GLIS3: variants seen among roughly 807,000 people sequenced by gnomAD.
GLIS3 encodes the protein zinc finger protein GLIS3.
GLIS3 carries 53 observed loss-of-function variants against 78.6 expected under a neutral mutation model. The ratio of observed to expected loss-of-function variants is 0.67; its 90% CI spans 0.54 to 0.85. GLIS3 has a LOEUF of 0.85. Ranked by LOEUF, GLIS3 falls within the 40% of genes least tolerant of loss-of-function variation. The probability of loss-of-function intolerance (pLI) is 0.00; values close to 1 mark genes in which losing one functional copy is unlikely to be tolerated. For missense variants in GLIS3, 1,703 were observed against 1,231.1 expected (o/e 1.38, Z -5.74); for synonymous variants, 684 against 509.9 (o/e 1.34, Z -4.60).
At chr9:4,016,530 T>C (rs761147074) in intron 4 of GLIS3, among the ~76,000 whole-genome samples, 1 of 152,202 alleles carries the variant, frequency 6.6e-6, no homozygotes, top group Non-Finnish European at 1.5e-5. Context: ...TTTCAGAAGA[T>C]TTCATGTGAG....
chr9:4,071,543 C>T (rs1231166848), intron 4 of GLIS3, among the ~76,000 whole-genome samples: 4 of 152,154 alleles, frequency 2.6e-5, no homozygotes, highest in Non-Finnish European at 5.9e-5. Flanking sequence ...TATTTTTCTA[C>T]CCTGGATATC....
the GLIS3 span, among the ~76,000 whole-genome samples, chr9:4,414,387 A>C: frequency 6.6e-6 from 1 of 152,198 alleles, no homozygotes; most frequent in Non-Finnish European, 1.5e-5. Context: ...ATTAAACTTC[A>C]AATCCTAGGC....
At chr9:3,929,426 A>C (rs573518934) in intron 6 of GLIS3, among the ~76,000 whole-genome samples, 61 of 152,100 alleles carry the variant, frequency 4.0e-4, no homozygotes, top group African/African-American at 1.4e-3. Context: ...GTAGGATCCG[A>C]CAGGTGTGGG....
At chr9:4,236,719 G>A (rs1184670248) in intron 2 of GLIS3, among the ~76,000 whole-genome samples, 1 of 152,072 alleles carries the variant, frequency 6.6e-6, no homozygotes, top group Non-Finnish European at 1.5e-5. Flanking sequence ...CTATGTGTAA[G>A]GCAATTTTAG....
At chr9:4,160,567 C>G (rs940792849) in intron 2 of GLIS3, among the ~76,000 whole-genome samples, 2 of 152,220 alleles carry the variant, frequency 1.3e-5, no homozygotes, top group African/African-American at 4.8e-5. Context: ...TCACTCTGAG[C>G]TTTTCTGGAA....
rs564763708 is a variant in GLIS3 at position 3,913,932 on chromosome 9, T to C, written c.1984-15097A>G. On this transcript the variant is annotated intron_variant, in intron 6 of 10. Coordinates refer to ENST00000381971, the MANE Select transcript of GLIS3 (RefSeq NM_001042413.2). ...AACAAGTAAATGAATGAATGACAAATGAGCCAATGGCTGCTGAGTATTTAT... is the reference window on the plus strand; with the variant it reads ...AACAAGTAAATGAATGAATGACAAACGAGCCAATGGCTGCTGAGTATTTAT... Among the ~76,000 whole-genome samples, 5 of 152,304 alleles carry C rather than the reference T, an allele frequency of 3.3e-5. No individual in the cohort carries two copies. In the South Asian group the frequency reaches 6.2e-4, roughly 19 times the overall value.
At chr9:4,209,924 A>G (rs1304183700) in intron 2 of GLIS3, among the ~76,000 whole-genome samples, 1 of 152,166 alleles carries the variant, frequency 6.6e-6, no homozygotes. Context: ...GTGTACAAAC[A>G]CAAAGGAGAC....
the GLIS3 span, among the ~76,000 whole-genome samples, chr9:4,436,656 A>G: frequency 3.3e-5 from 5 of 151,900 alleles, no homozygotes; most frequent in Admixed American, 6.6e-5. Flanking sequence ...AATACAAAAA[A>G]TCAGCTGGGC....
chr9:4,366,908 A>G, the GLIS3 span, among the ~76,000 whole-genome samples: 1 of 152,204 alleles, frequency 6.6e-6, no homozygotes, highest in Non-Finnish European at 1.5e-5. Flanking sequence ...GTGGAAGACC[A>G]CTAGCTCCCT....
At chr9:4,330,371 T>A (rs1374520643) in intron 2 of GLIS3, among the ~76,000 whole-genome samples, 1 of 152,278 alleles carries the variant, frequency 6.6e-6, no homozygotes, top group Admixed American at 6.5e-5. Flanking sequence ...GAGTTGGCAC[T>A]GCTAAAACCT....
chr9:4,116,260 T>G (rs1309037674), intron 4 of GLIS3, among the ~76,000 whole-genome samples: 3 of 152,230 alleles, frequency 2.0e-5, no homozygotes, highest in Non-Finnish European at 2.9e-5. Flanking sequence ...AGAGGCTGAA[T>G]GTCTTTCCTG....
chr9:4,075,579 A>G (rs951818483), intron 4 of GLIS3, among the ~76,000 whole-genome samples: 7 of 152,284 alleles, frequency 4.6e-5, no homozygotes, highest in African/African-American at 1.7e-4. Flanking sequence ...CCGTCTCAAA[A>G]CAAAACAAAA....
At chr9:4,340,551 A>G (rs1030086850) in intron 2 of GLIS3, among the ~76,000 whole-genome samples, 1 of 152,018 alleles carries the variant, frequency 6.6e-6, no homozygotes, top group African/African-American at 2.4e-5. Flanking sequence ...GCTTCTGTGT[A>G]TTTGTGGTGG....
At chr9:3,884,249 A>C (rs1304564228) in intron 7 of GLIS3, among the ~76,000 whole-genome samples, 3 of 150,716 alleles carry the variant, frequency 2.0e-5, no homozygotes, top group Non-Finnish European at 4.4e-5. Context: ...GTGTGGATGG[A>C]GGGAGGCCAA....
chr9:3,849,321 A>C (rs1307782631), intron 9 of GLIS3, among the ~76,000 whole-genome samples: 1 of 152,244 alleles, frequency 6.6e-6, no homozygotes, highest in Non-Finnish European at 1.5e-5. Context: ...GTGCCTATCC[A>C]GTAAAAACTG....
At chr9:4,031,840 A>C (rs1823863555) in intron 4 of GLIS3, among the ~76,000 whole-genome samples, 1 of 152,220 alleles carries the variant, frequency 6.6e-6, no homozygotes, top group Non-Finnish European at 1.5e-5. Context: ...TGGCGATACA[A>C]TAAAGGTTCT....
chr9:4,364,774 T>TTC, the GLIS3 span, among the ~76,000 whole-genome samples: 1 of 137,366 alleles, frequency 7.3e-6, no homozygotes, highest in Middle Eastern at 3.6e-3. Flanking sequence ...TTTTTTTTTT[T>TTC]TTTTTAAAGA....
intron 8 of GLIS3, among the ~76,000 whole-genome samples, chr9:3,857,576 A>G (rs542502940): frequency 8.6e-4 from 131 of 152,358 alleles, no homozygotes; most frequent in African/African-American, 2.9e-3. Context: ...AAGTAGGAGT[A>G]GGACTCGCTA....
intron 4 of GLIS3, among the ~76,000 whole-genome samples, chr9:4,094,643 C>T (rs1490248156): frequency 6.6e-6 from 1 of 152,136 alleles, no homozygotes; most frequent in Non-Finnish European, 1.5e-5. Context: ...ATATCAAAAT[C>T]CAAATACTCT....
Sources: gnomAD v4.1 joint callset for allele counts (sites outside exome capture counted in the v4.1 genomes callset) on GRCh38, gnomAD v4.1.1 for gene constraint, MANE v1.5 for transcripts, NCBI Gene and HGNC (gene_info 2026-07-23, HGNC 2026-07-21) for gene names.